The following TACR3 variants were observed in gnomAD, a reference collection of about 807,000 sequenced individuals.
The protein encoded by TACR3 is neuromedin-K receptor.
Under a neutral mutation model 35.0 loss-of-function variants are expected in TACR3, and 34 were observed. The observed-to-expected ratio is 0.97, with a 90% CI of 0.74 to 1.30. The LOEUF is 1.30. TACR3 is among the 50% of genes most tolerant of loss of function. TACR3 has a pLI of 0.00. For synonymous variants in TACR3, 233 were observed against 221.1 expected, an observed-to-expected ratio of 1.05 and a Z score of -0.48; for missense variants, 558 against 591.7, an observed-to-expected ratio of 0.94 and a Z score of 0.59.
At chr4:103,687,416 G>A (rs1187800834) in intron 1 of TACR3, among the ~76,000 whole-genome samples, 2 of 152,078 alleles carry the variant, frequency 1.3e-5, no homozygotes, top group African/African-American at 2.4e-5. Context: ...GCAGGAGAAG[G>A]AAATAAAGGG....
chr4:103,693,177 CTTG>C (rs1292960230), intron 1 of TACR3, among the ~76,000 whole-genome samples: 1 of 152,042 alleles, frequency 6.6e-6, no homozygotes, highest in Non-Finnish European at 1.5e-5. Context: ...ATCTCTACAA[CTTG>C]TTAATATTTT....
chr4:103,631,236 T>G (rs915156924), intron 3 of TACR3, among the ~76,000 whole-genome samples: 1 of 151,808 alleles, frequency 6.6e-6, no homozygotes, highest in Admixed American at 6.6e-5. Flanking sequence ...AAATGACGAG[T>G]TGATGAGTGC....
rs1560544928 is a variant in TACR3, at chr4:103,719,495, GCAGTCC to G, written c.175_180del (p.Gly59_Leu60del). 8 of 1,611,782 alleles carry G rather than the reference GCAGTCC, an allele frequency of 5.0e-6. No homozygotes were observed. The South Asian group carries it at 8.8e-5, about 18-fold the overall frequency. ...TGGGAGGGCGCGGGGGAAGCCACAG[GCAGTCC>G]CAGCGCGGAAGGGGAGGAGGAGAGG... On this transcript the variant is annotated inframe_deletion, in exon 1 of 5. Transcript: ENST00000304883.
chr4:103,682,706 T>A (rs1410659551), intron 1 of TACR3, among the ~76,000 whole-genome samples: 1 of 152,110 alleles, frequency 6.6e-6, no homozygotes, highest in Non-Finnish European at 1.5e-5. Flanking sequence ...TCTGAGTCAG[T>A]AATGAGGACA....
intron 1 of TACR3, among the ~76,000 whole-genome samples, chr4:103,660,906 A>G (rs1306098666): frequency 6.6e-6 from 1 of 152,060 alleles, no homozygotes; most frequent in African/African-American, 2.4e-5. Flanking sequence ...ATAGGGTTAC[A>G]TACATCATAT....
At chr4:103,632,426 A>C (rs1578235228) in intron 3 of TACR3, among the ~76,000 whole-genome samples, 2 of 152,192 alleles carry the variant, frequency 1.3e-5, no homozygotes, top group South Asian at 2.1e-4. Context: ...CAGCAAACTA[A>C]CACAGGAACA....
chr4:103,652,684 G>C (rs1205880019), intron 3 of TACR3, among the ~76,000 whole-genome samples: 1 of 151,878 alleles, frequency 6.6e-6, no homozygotes, highest in Non-Finnish European at 1.5e-5. Flanking sequence ...TTATTATTAA[G>C]AGTCTGGCTC....
chr4:103,612,036 A>G (rs979924373), intron 3 of TACR3, among the ~76,000 whole-genome samples: 15 of 152,230 alleles, frequency 9.9e-5, no homozygotes, highest in African/African-American at 3.6e-4. Context: ...TAGCAGATAC[A>G]GTAACTTTTT....
At chr4:103,658,436 T>C (rs1454454023) in intron 1 of TACR3, 33 bp from the exon 2 acceptor site, 1 of 1,595,712 alleles carries the variant, frequency 6.3e-7, no homozygotes, top group Non-Finnish European at 8.6e-7. Flanking sequence ...ATTTCATTGG[T>C]TTTCTTTATA....
intron 1 of TACR3, among the ~76,000 whole-genome samples, chr4:103,661,968 G>A (rs7655657): frequency 0.017 from 2,617 of 152,252 alleles, 99 homozygotes; most frequent in African/African-American, 0.061. Context: ...CATTTGTGAA[G>A]CAGACAAATA....
intron 1 of TACR3, among the ~76,000 whole-genome samples, chr4:103,670,181 A>T (rs1250885198): frequency 6.6e-6 from 1 of 152,034 alleles, no homozygotes; most frequent in Non-Finnish European, 1.5e-5. Context: ...ATTCTGTTCC[A>T]TTCGTCTATG....
intron 3 of TACR3, among the ~76,000 whole-genome samples, chr4:103,617,610 G>C (rs1382126318): frequency 1.3e-5 from 2 of 152,090 alleles, no homozygotes; most frequent in Non-Finnish European, 2.9e-5. Flanking sequence ...ATAAACATAA[G>C]AATTGGTGTA....
intron 4 of TACR3, 26 bp downstream of exon 4, chr4:103,591,461 C>A: frequency 6.2e-7 from 1 of 1,612,890 alleles, no homozygotes; most frequent in Non-Finnish European, 8.5e-7. Context: ...TGACAAGCAA[C>A]TTGCATTTCG....
intron 1 of TACR3, among the ~76,000 whole-genome samples, chr4:103,711,282 A>C (rs1722952114): frequency 6.6e-6 from 1 of 152,204 alleles, no homozygotes; most frequent in African/African-American, 2.4e-5. Flanking sequence ...CACATCAAAA[A>C]GCTTATCCAC....
intron 1 of TACR3, among the ~76,000 whole-genome samples, chr4:103,699,431 G>A (rs745624162): frequency 2.6e-5 from 4 of 152,134 alleles, no homozygotes; most frequent in Non-Finnish European, 5.9e-5. Flanking sequence ...GTAAGTCAGT[G>A]TAAGGACTTC....
chr4:103,600,449 C>G (rs1317400662), intron 3 of TACR3, among the ~76,000 whole-genome samples: 1 of 152,134 alleles, frequency 6.6e-6, no homozygotes, highest in South Asian at 2.1e-4. Context: ...TTTTTTGTGT[C>G]TCTATTTCCT....
chr4:103,609,938 C>G (rs183243552), intron 3 of TACR3, among the ~76,000 whole-genome samples: 1 of 151,958 alleles, frequency 6.6e-6, no homozygotes, highest in Non-Finnish European at 1.5e-5. Flanking sequence ...GAAACTGTTA[C>G]AAATCATAAA....
Position 103,650,701 on chromosome 4 carries a change from AT to A in TACR3, c.888+5492del, listed in dbSNP as rs1388614248. On this transcript the variant is annotated intron_variant, in intron 3 of 4. Coordinates refer to ENST00000304883, the MANE Select transcript of TACR3 (RefSeq NM_001059.3). The stretch of plus-strand genomic sequence containing the variant: ...ATTATATCATATATAATATATATTT[AT>A]ATATATAAATATATATAAATAAATA... 2.9e-3 allele frequency among the ~76,000 whole-genome samples: 19 copies of A among 6,594 alleles called. 1 individual carries two copies. The highest frequency in any genetic ancestry group is 7.8e-3 in the South Asian group (1 of 128). The allele number at this position is 6,594 out of a possible 152,430, so 4.3% of individuals were successfully genotyped here. A position where few individuals can be genotyped will look rare whatever the true frequency, so the allele number is the denominator to read the frequency against.
intron 1 of TACR3, among the ~76,000 whole-genome samples, chr4:103,665,140 T>A (rs1405682981): frequency 3.9e-5 from 6 of 152,008 alleles, no homozygotes; most frequent in Non-Finnish European, 8.8e-5. Flanking sequence ...AACTTAAGAA[T>A]AAATGAATCA....
Sources: gnomAD v4.1 joint callset for allele counts (sites outside exome capture counted in the v4.1 genomes callset) on GRCh38, gnomAD v4.1.1 for gene constraint, MANE v1.5 for transcripts, NCBI Gene and HGNC (gene_info 2026-07-23, HGNC 2026-07-21) for gene names.